Variants in CHAF1A observed in about 807,000 individuals in gnomAD.
The protein encoded by CHAF1A is CAF-1 subunit A.
Under a neutral mutation model 93.2 loss-of-function variants are expected in CHAF1A, and 5 were observed. The ratio of observed to expected loss-of-function variants is 0.05; its 90% CI spans 0.03 to 0.11. The LOEUF (loss-of-function observed/expected upper bound fraction) is 0.11, where lower values mean the gene tolerates loss of function less well. CHAF1A is among the 10% of genes least tolerant of loss of function. The probability of loss-of-function intolerance (pLI) is 1.00; values close to 1 mark genes in which losing one functional copy is unlikely to be tolerated. For synonymous variants in CHAF1A, 504 were observed against 510.3 expected, an observed-to-expected ratio of 0.99 and a Z score of 0.17; for missense variants, 1,102 against 1,259.9, an observed-to-expected ratio of 0.87 and a Z score of 1.90.
intron 13 of CHAF1A, among the ~76,000 whole-genome samples, chr19:4,434,305 C>T (rs933413664): frequency 9.9e-5 from 15 of 152,170 alleles, no homozygotes; most frequent in African/African-American, 3.6e-4. Context: ...ATGATCATGC[C>T]ACTGCACTGC....
Position 4,433,572 on chromosome 19 carries a change from A to G in CHAF1A, c.2673+33A>G. 1.4e-6 allele frequency: 2 copies of G among 1,462,298 alleles called. No individual in the cohort carries two copies. The highest frequency in any genetic ancestry group is 9.2e-7 in the Non-Finnish European group (1 of 1,082,856). The allele number at this position is 1,462,298 out of a possible 1,614,324, so 90.6% of individuals were successfully genotyped here. A position where few individuals can be genotyped will look rare whatever the true frequency, so the allele number is the denominator to read the frequency against. ...GGGGTGGGCAGGTGGGGGCCTCTGCAGGGCTTTTCTTTTTTTGTTTGTTTT... is the reference window on the plus strand; with the variant it reads ...GGGGTGGGCAGGTGGGGGCCTCTGCGGGGCTTTTCTTTTTTTGTTTGTTTT... On this transcript the variant is annotated intron_variant, in intron 13 of 14. Transcript: ENST00000301280. This position sits in a 1 kb window ranked among gnomAD's most constrained non-coding sequence, Gnocchi z 5.6.
At chr19:4,420,522 T>TGG (rs1458467742) in intron 4 of CHAF1A, among the ~76,000 whole-genome samples, 1 of 152,130 alleles carries the variant, frequency 6.6e-6, no homozygotes, top group Admixed American at 6.6e-5. Flanking sequence ...GGATTACAGG[T>TGG]GGGAGCCTGC....
At chr19:4,438,726 G>A (rs1334410204) in intron 13 of CHAF1A, among the ~76,000 whole-genome samples, 1 of 152,122 alleles carries the variant, frequency 6.6e-6, no homozygotes, top group Non-Finnish European at 1.5e-5. Context: ...GCTCATGCCT[G>A]TAATCCCAGC....
chr19:4,426,235 T>C (rs537761804), intron 7 of CHAF1A, among the ~76,000 whole-genome samples: 129 of 147,634 alleles, frequency 8.7e-4, no homozygotes, highest in Non-Finnish European at 1.4e-3. Context: ...TGGTGCCATC[T>C]CGGCTCACTG....
intron 7 of CHAF1A, among the ~76,000 whole-genome samples, chr19:4,427,624 A>G (rs1222309668): frequency 2.0e-5 from 3 of 147,698 alleles, no homozygotes; most frequent in South Asian, 2.1e-4. Flanking sequence ...GTCTTGCTCT[A>G]TCCCCCAGGC....
At chr19:4,409,939 T>C (rs1300706683) in intron 3 of CHAF1A, among the ~76,000 whole-genome samples, 180 bp downstream of exon 3, 1 of 152,200 alleles carries the variant, frequency 6.6e-6, no homozygotes, top group Non-Finnish European at 1.5e-5. Flanking sequence ...TCTGCATTCG[T>C]TGTGATGCCC....
At chr19:4,435,358 A>G (rs1020571445) in intron 13 of CHAF1A, among the ~76,000 whole-genome samples, 9 of 151,896 alleles carry the variant, frequency 5.9e-5, no homozygotes, top group African/African-American at 1.9e-4. Flanking sequence ...GATTACAGGC[A>G]TGAGCCACCA....
intron 13 of CHAF1A, 88 bp from the exon 14 acceptor site, chr19:4,442,157 C>T (rs1337050764): frequency 1.3e-5 from 14 of 1,047,906 alleles, no homozygotes; most frequent in Non-Finnish European, 2.1e-5. Flanking sequence ...AGGAAGGTGT[C>T]ACACCTGTGG....
chr19:4,442,450 A>AG, intron 14 of CHAF1A, 109 bp downstream of exon 14: 1 of 940,386 alleles, frequency 1.1e-6, no homozygotes, highest in Non-Finnish European at 1.6e-6. Flanking sequence ...GTGAGCAGCC[A>AG]GGAGGGCTTG....
At chr19:4,424,220 A>C (rs548767287) in intron 7 of CHAF1A, among the ~76,000 whole-genome samples, 9 of 152,288 alleles carry the variant, frequency 5.9e-5, no homozygotes, top group Admixed American at 3.9e-4. Flanking sequence ...AGTACAATTC[A>C]CAAAGGTTTA....
intron 13 of CHAF1A, among the ~76,000 whole-genome samples, chr19:4,440,400 G>A (rs573129701): frequency 6.6e-6 from 1 of 151,498 alleles, no homozygotes; most frequent in African/African-American, 2.4e-5. Context: ...TTGAGCCCAG[G>A]TTGAGACCAG....
At chr19:4,436,263 A>C (rs925039238) in intron 13 of CHAF1A, among the ~76,000 whole-genome samples, 5 of 152,174 alleles carry the variant, frequency 3.3e-5, no homozygotes, top group Admixed American at 6.5e-5. Flanking sequence ...ATATGCTGTG[A>C]ATCTCCCTCA....
chr19:4,418,961 C>A (rs1232960141), intron 4 of CHAF1A, among the ~76,000 whole-genome samples: 1 of 151,414 alleles, frequency 6.6e-6, no homozygotes, highest in Non-Finnish European at 1.5e-5. Flanking sequence ...CTCCCGGGTT[C>A]AAGCGGTTCT....
At chr19:4,423,738 G>A in intron 6 of CHAF1A, 68 bp from the exon 7 acceptor site, 1 of 1,469,792 alleles carries the variant, frequency 6.8e-7, no homozygotes, top group South Asian at 1.1e-5. Context: ...GGGGGCCTTT[G>A]CATGTTTTGC....
downstream of CHAF1A, chr19:4,445,482 C>CA (rs766689960): frequency 3.7e-6 from 6 of 1,613,518 alleles, no homozygotes; most frequent in Admixed American, 1.0e-4. Flanking sequence ...GGGCTGAGGC[C>CA]AACCCTGCTT....
intron 3 of CHAF1A, among the ~76,000 whole-genome samples, chr19:4,411,616 T>A (rs1447016160): frequency 6.9e-6 from 1 of 145,764 alleles, no homozygotes; most frequent in Non-Finnish European, 1.5e-5. Flanking sequence ...TCTTTAGGTT[T>A]ATGAAATGTT....
chr19:4,410,523 G>A (rs2145073896), intron 3 of CHAF1A, among the ~76,000 whole-genome samples: 1 of 151,766 alleles, frequency 6.6e-6, no homozygotes, highest in East Asian at 1.9e-4. Context: ...TGGGATTACA[G>A]GTGCGCACCA....
chr19:4,443,571 G>A (rs143200706), downstream of CHAF1A, among the ~76,000 whole-genome samples: 1 of 152,302 alleles, frequency 6.6e-6, no homozygotes, highest in Non-Finnish European at 1.5e-5. Context: ...GGGTCAAGGT[G>A]CGGGTTTTTC....
chr19:4,409,585 C>T lies in CHAF1A; in HGVS notation c.786C>T (p.Gly262=), dbSNP rs752721026. ...QIKSLPATPQ[G]KNMTPESEVL... is the part of the protein sequence containing the mutation. ...AGTCCCTTCCAGCCACACCCCAAGG[C>T]AAGAACATGACCCCTGAGAGTGAGG... The change falls in exon 3 of 15, where the codon GGC becomes GGT. Residue 262 remains glycine, a synonymous_variant. Transcript: ENST00000301280. The T allele has an allele frequency of 6.2e-7, 1 of 1,614,144 alleles. No homozygotes were observed. The highest frequency in any genetic ancestry group is 8.5e-7 in the Non-Finnish European group (1 of 1,180,022).
Sources: gnomAD v4.1 joint callset for allele counts (sites outside exome capture counted in the v4.1 genomes callset) on GRCh38, gnomAD v4.1.1 for gene constraint, Gnocchi (gnomAD v3.1) non-coding constraint, MANE v1.5 for transcripts, NCBI Gene and HGNC (gene_info 2026-07-23, HGNC 2026-07-21) for gene names.